AR: variants seen among roughly 807,000 people sequenced by gnomAD.
AR encodes the protein androgen receptor, also known as dihydrotestosterone receptor.
Under a neutral mutation model 53.9 loss-of-function variants are expected in AR, and 8 were observed. That is an observed-to-expected ratio of 0.15 (90% CI 0.09 to 0.27). The LOEUF (loss-of-function observed/expected upper bound fraction) is 0.27. Among genes scored for constraint, AR ranks in the 10% least tolerant of loss-of-function variants. The pLI is 1.00. For missense variants in AR, 639 were observed against 742.5 expected, an observed-to-expected ratio of 0.86 and a Z score of 1.62; for synonymous variants, 359 against 316.4, an observed-to-expected ratio of 1.13 and a Z score of -1.43.
chrX:67,606,373 G>A (rs149012779), intron 1 of AR, among the ~76,000 whole-genome samples: 8 of 111,853 alleles, frequency 7.2e-5, no homozygotes, highest in Middle Eastern at 4.6e-3. Context: ...ACAATGTGAC[G>A]TTATGATATA....
At chrX:67,694,610 G>A in intron 3 of AR, 1 of 1,146,562 alleles carries the variant, frequency 8.7e-7, no homozygotes, top group Non-Finnish European at 1.2e-6. Context: ...TGATTATGGA[G>A]CCTGCTAGAT....
rs754450963 is a variant in AR at position 67,723,669 on chromosome X, C to T, written c.2608-17C>T. On this transcript the variant is annotated splice_polypyrimidine_tract_variant and intron_variant, in intron 7 of 7. Transcript: ENST00000374690. ...CCTTGTCAACCCTGTTTTTCTCCCT[C>T]TTATTGTTCCCTACAGATTGCGAGA... 2.2e-5 allele frequency: 27 copies of T among 1,206,832 alleles called. No homozygotes were observed. In the Middle Eastern group the frequency reaches 7.0e-4, roughly 31 times the overall value.
chrX:67,711,773 C>G (rs7065472), intron 4 of AR, 84 bp downstream of exon 4: 2 of 984,118 alleles, frequency 2.0e-6, no homozygotes, highest in Non-Finnish European at 2.7e-6. Context: ...ATGTCTGGTG[C>G]TTTTCTGCCC....
chrX:67,594,035 C>T (rs910678334), intron 1 of AR, among the ~76,000 whole-genome samples: 1 of 112,031 alleles, frequency 8.9e-6, no homozygotes, highest in Admixed American at 9.5e-5. Flanking sequence ...TATTCTGTCT[C>T]CCAGGCTGGA....
chrX:67,597,592 A>G (rs899499747), intron 1 of AR, among the ~76,000 whole-genome samples: 1 of 111,962 alleles, frequency 8.9e-6, no homozygotes, highest in South Asian at 3.7e-4. Context: ...GGGCCCCTTC[A>G]TAAGCAAACA....
At chrX:67,704,860 A>G (rs2076058694) in intron 3 of AR, among the ~76,000 whole-genome samples, 1 of 112,328 alleles carries the variant, frequency 8.9e-6, no homozygotes, top group African/African-American at 3.2e-5. Flanking sequence ...AGCTTTCTAC[A>G]TATGGCTAAC....
chrX:67,632,324 C>T (rs4489446), intron 1 of AR, among the ~76,000 whole-genome samples: 6,507 of 104,480 alleles, frequency 0.062, 471 homozygotes, highest in African/African-American at 0.22. Flanking sequence ...GAGCCATGTG[C>T]GGGATATAAT....
chrX:67,683,159 A>G (rs929866921), intron 2 of AR, among the ~76,000 whole-genome samples: 1 of 112,096 alleles, frequency 8.9e-6, no homozygotes, highest in Non-Finnish European at 1.9e-5. Flanking sequence ...ACACATGTAC[A>G]TTAGCATGTT....
intron 1 of AR, among the ~76,000 whole-genome samples, chrX:67,552,812 T>C (rs925729787): frequency 1.8e-5 from 2 of 112,273 alleles, no homozygotes; most frequent in African/African-American, 6.5e-5. Flanking sequence ...GTATCCATGT[T>C]CTTATTGGCC....
At chrX:67,650,087 A>G (rs1460593080) in intron 2 of AR, among the ~76,000 whole-genome samples, 1 of 112,100 alleles carries the variant, frequency 8.9e-6, no homozygotes, top group African/African-American at 3.2e-5. Context: ...GAAACATTCC[A>G]TGCTCATGGA....
intron 1 of AR, among the ~76,000 whole-genome samples, chrX:67,585,380 T>C (rs1922494904): frequency 8.9e-6 from 1 of 111,751 alleles, no homozygotes. Context: ...ACTGAGTTTC[T>C]GTGGGGTGGA....
intron 2 of AR, among the ~76,000 whole-genome samples, chrX:67,669,542 A>G (rs1034715150): frequency 1.8e-5 from 2 of 111,990 alleles, no homozygotes; most frequent in Admixed American, 1.9e-4. Flanking sequence ...TTGTCTTTAA[A>G]TATCTATTAG....
intron 1 of AR, among the ~76,000 whole-genome samples, chrX:67,595,098 T>C (rs1402314455): frequency 9.0e-6 from 1 of 111,570 alleles, no homozygotes; most frequent in African/African-American, 3.3e-5. Context: ...TAGACTCGAA[T>C]ATGTTTTACA....
chrX:67,585,258 CAAAAAA>C (rs35044641), intron 1 of AR, among the ~76,000 whole-genome samples: 1 of 63,757 alleles, frequency 1.6e-5, no homozygotes, highest in East Asian at 4.8e-4. Context: ...GTGAGACTGT[CAAAAAA>C]AAAAAAAAAA....
chrX:67,545,790 C>T lies in AR; in HGVS notation c.644C>T (p.Ser215Leu). The T allele has an allele frequency of 4.1e-6, 5 of 1,212,074 alleles. No homozygotes were observed. The highest frequency in any genetic ancestry group is 2.3e-4 in the Middle Eastern group (1 of 4,356). Residue 215 changes from serine to leucine, a missense_variant, in exon 1 of 8, where the codon TCG becomes TTG. Ser to Leu is a moderately radical substitution (Grantham distance 145). Coordinates refer to ENST00000374690, the MANE Select transcript of AR (RefSeq NM_000044.6). ...GSSSGRAREA[S>L]GAPTSSKDNY... ...AGCAGCGGGAGAGCGAGGGAGGCCT[C>T]GGGGGCTCCCACTTCCTCCAAGGAC...
chrX:67,674,869 C>T (rs894103436), intron 2 of AR, among the ~76,000 whole-genome samples: 3 of 111,274 alleles, frequency 2.7e-5, no homozygotes, highest in Non-Finnish European at 3.8e-5. Flanking sequence ...AGAGACTCTC[C>T]CTATAGCCAC....
chrX:67,545,568 C>T lies in AR; in HGVS notation c.422C>T (p.Ala141Val). 3 of 1,184,011 alleles carry T rather than the reference C, an allele frequency of 2.5e-6. No individual in the cohort carries two copies. The highest frequency in any genetic ancestry group is 3.4e-6 in the Non-Finnish European group (3 of 881,561). Residue 141 changes from alanine to valine, a missense_variant, in exon 1 of 8, where the codon GCC becomes GTC. Ala to Val is a moderately conservative substitution (Grantham distance 64). Coordinates refer to ENST00000374690, the MANE Select transcript of AR (RefSeq NM_000044.6). ...CCAGAGCCTGGAGCCGCCGTGGCCG[C>T]CAGCAAGGGGCTGCCGCAGCAGCTG... ...CVPEPGAAVA[A>V]SKGLPQQLPA...
chrX:67,723,670 T>G lies in AR; in HGVS notation c.2608-16T>G, dbSNP rs1461487837. ...CTTGTCAACCCTGTTTTTCTCCCTC[T>G]TATTGTTCCCTACAGATTGCGAGAG... is the stretch of plus-strand genomic sequence containing the variant. On this transcript the variant is annotated splice_polypyrimidine_tract_variant and intron_variant, in intron 7 of 7. Coordinates refer to ENST00000374690, the MANE Select transcript of AR (RefSeq NM_000044.6). 1 of 1,209,752 alleles carries G rather than the reference T, an allele frequency of 8.3e-7. No individual in the cohort carries two copies. The highest frequency in any genetic ancestry group is 2.2e-5 in the Admixed American group (1 of 45,920).
intron 1 of AR, among the ~76,000 whole-genome samples, chrX:67,637,169 T>G (rs12836056): frequency 1.9e-5 from 2 of 103,862 alleles, no homozygotes; most frequent in African/African-American, 3.6e-5. Context: ...CACCATATTG[T>G]TTTTTTTTTA....
Sources: gnomAD v4.1 joint callset for allele counts (sites outside exome capture counted in the v4.1 genomes callset) on GRCh38, gnomAD v4.1.1 for gene constraint, MANE v1.5 for transcripts, NCBI Gene and HGNC (gene_info 2026-07-23, HGNC 2026-07-21) for gene names.